LCLAT1: variants seen among roughly 807,000 people sequenced by gnomAD.
LCLAT1 encodes the protein lysocardiolipin acyltransferase 1, also known as 1-AGP acyltransferase 8.
A neutral mutation model predicts 30.7 loss-of-function variants in LCLAT1; 11 were observed. The observed-to-expected ratio is 0.36, with a 90% CI of 0.23 to 0.59. LCLAT1 has a LOEUF of 0.59. Ranked by LOEUF, LCLAT1 falls within the 20% of genes least tolerant of loss-of-function variation. The pLI is 0.77. For missense variants in LCLAT1, 402 were observed against 458.6 expected (o/e 0.88, Z 1.13); for synonymous variants, 155 against 151.3 (o/e 1.02, Z -0.18).
intron 5 of LCLAT1, among the ~76,000 whole-genome samples, chr2:30,597,693 G>A (rs1404867511): frequency 6.6e-6 from 1 of 152,166 alleles, no homozygotes; most frequent in Non-Finnish European, 1.5e-5. Flanking sequence ...GAATAGGAGT[G>A]GTGAGAGAGG....
chr2:30,637,830 G>A (rs572349206), intron 5 of LCLAT1, among the ~76,000 whole-genome samples: 15 of 151,986 alleles, frequency 9.9e-5, no homozygotes, highest in South Asian at 2.1e-4. Context: ...CACCCGCCTC[G>A]GCCTCCTAAA....
At chr2:30,636,799 C>T (rs995657563) in intron 5 of LCLAT1, among the ~76,000 whole-genome samples, 2 of 152,182 alleles carry the variant, frequency 1.3e-5, no homozygotes, top group African/African-American at 4.8e-5. Flanking sequence ...GATCCGTAAG[C>T]ATTAGGAACC....
chr2:30,583,871 G>T (rs899663086), intron 5 of LCLAT1, among the ~76,000 whole-genome samples: 1 of 152,066 alleles, frequency 6.6e-6, no homozygotes, highest in African/African-American at 2.4e-5. Context: ...AGGTGGGAAT[G>T]TTTGAAATAA....
chr2:30,500,094 A>G (rs867308864), intron 1 of LCLAT1, among the ~76,000 whole-genome samples: 1 of 152,350 alleles, frequency 6.6e-6, no homozygotes, highest in Non-Finnish European at 1.5e-5. Context: ...TTTTATTAAC[A>G]TTAGTAACAT....
rs571141495 is a variant in LCLAT1 at position 30,461,531 on chromosome 2, G to C, written c.-5+14148G>C. 2.6e-5 allele frequency among the ~76,000 whole-genome samples: 4 copies of C among 152,194 alleles called. No homozygotes were observed. The East Asian group carries it at 7.7e-4, about 29-fold the overall frequency. On this transcript the variant is annotated intron_variant, in intron 1 of 5. Coordinates refer to ENST00000379509, the MANE Select transcript of LCLAT1 (RefSeq NM_001002257.3). ...CTGCCTCAGCCTCCTGAGTGGCTGAGACTACAGGTGTGTGCCACCAGGCCT... is the reference window on the plus strand; with the variant it reads ...CTGCCTCAGCCTCCTGAGTGGCTGACACTACAGGTGTGTGCCACCAGGCCT...
intron 5 of LCLAT1, among the ~76,000 whole-genome samples, chr2:30,578,941 T>C (rs1408264013): frequency 1.3e-5 from 2 of 152,346 alleles, no homozygotes; most frequent in South Asian, 2.1e-4. Flanking sequence ...ATTTTAGTTA[T>C]GGAAATTATT....
At chr2:30,512,119 G>A (rs1684966101) in intron 1 of LCLAT1, among the ~76,000 whole-genome samples, 1 of 152,108 alleles carries the variant, frequency 6.6e-6, no homozygotes, top group Non-Finnish European at 1.5e-5. Context: ...TGTTTTTTGA[G>A]AGAGCACAAT....
chr2:30,477,581 AC>A (rs1442727552), intron 1 of LCLAT1, among the ~76,000 whole-genome samples: 1 of 152,160 alleles, frequency 6.6e-6, no homozygotes, highest in Admixed American at 6.5e-5. Context: ...TGGCCTGAGC[AC>A]CCCTTAGGCT....
intron 1 of LCLAT1, among the ~76,000 whole-genome samples, chr2:30,463,341 A>G (rs1017464664): frequency 9.2e-5 from 14 of 152,106 alleles, no homozygotes; most frequent in Admixed American, 3.9e-4. Flanking sequence ...GGTTTCTATT[A>G]ATATATAAAC....
intron 5 of LCLAT1, among the ~76,000 whole-genome samples, chr2:30,574,203 G>C (rs1665900826): frequency 6.6e-6 from 1 of 151,918 alleles, no homozygotes; most frequent in Admixed American, 6.6e-5. Context: ...CAAGGTAAGG[G>C]AAAATAGGGG....
intron 3 of LCLAT1, among the ~76,000 whole-genome samples, chr2:30,533,550 A>G (rs1474090664): frequency 6.6e-6 from 1 of 152,228 alleles, no homozygotes; most frequent in Non-Finnish European, 1.5e-5. Context: ...ATGGATATAT[A>G]GTATCTGAGG....
chr2:30,568,864 C>CAAAAAA (rs61325694), intron 5 of LCLAT1, among the ~76,000 whole-genome samples: 2,898 of 88,502 alleles, frequency 0.033, 72 homozygotes, highest in East Asian at 0.061. Flanking sequence ...TCATGAATAG[C>CAAAAAA]AAAAAAAAAA....
intron 5 of LCLAT1, among the ~76,000 whole-genome samples, chr2:30,578,844 T>C (rs1259264481): frequency 6.6e-6 from 1 of 152,190 alleles, no homozygotes; most frequent in African/African-American, 2.4e-5. Context: ...TAAGATTTAC[T>C]TGTTTTCATT....
At chr2:30,507,028 T>A (rs902934827) in intron 1 of LCLAT1, among the ~76,000 whole-genome samples, 1 of 152,162 alleles carries the variant, frequency 6.6e-6, no homozygotes, top group East Asian at 1.9e-4. Context: ...AGCTGTCTTT[T>A]AAAATATTTC....
intron 1 of LCLAT1, among the ~76,000 whole-genome samples, chr2:30,499,166 C>T (rs534456618): frequency 1.3e-5 from 2 of 152,150 alleles, no homozygotes; most frequent in African/African-American, 4.8e-5. Context: ...TGAAATAGAG[C>T]AGCTGTGTTT....
intron 1 of LCLAT1, among the ~76,000 whole-genome samples, chr2:30,466,528 T>C (rs1682440688): frequency 6.6e-6 from 1 of 152,222 alleles, no homozygotes; most frequent in Non-Finnish European, 1.5e-5. Flanking sequence ...TTATGTTCTG[T>C]TTATTTAAAT....
chr2:30,568,918 A>G (rs1479353153), intron 5 of LCLAT1, among the ~76,000 whole-genome samples: 2 of 150,984 alleles, frequency 1.3e-5, no homozygotes, highest in Non-Finnish European at 3.0e-5. Flanking sequence ...AACTAACCAT[A>G]TGTTTGGCTC....
chr2:30,488,050 A>G (rs1413397037), intron 1 of LCLAT1, among the ~76,000 whole-genome samples: 1 of 152,204 alleles, frequency 6.6e-6, no homozygotes, highest in African/African-American at 2.4e-5. Flanking sequence ...TGTGAATTAT[A>G]TCTTAATAAA....
chr2:30,474,266 A>G (rs1378815542), intron 1 of LCLAT1, among the ~76,000 whole-genome samples: 1 of 152,206 alleles, frequency 6.6e-6, no homozygotes, highest in Non-Finnish European at 1.5e-5. Flanking sequence ...TAGAATTTAC[A>G]TGTCCCTCAG....
Sources: gnomAD v4.1 joint callset for allele counts (sites outside exome capture counted in the v4.1 genomes callset) on GRCh38, gnomAD v4.1.1 for gene constraint, MANE v1.5 for transcripts, NCBI Gene and HGNC (gene_info 2026-07-23, HGNC 2026-07-21) for gene names.